The following RPA3 variants were observed in gnomAD, a reference collection of about 807,000 sequenced individuals.
RPA3 encodes the protein replication protein A 14 kDa subunit.
In RPA3, 24 loss-of-function variants were observed where a neutral mutation model predicts 13.7. That is an observed-to-expected ratio of 1.75 (90% CI 1.27 to 2.46). The LOEUF (loss-of-function observed/expected upper bound fraction) is 2.46, where lower values mean the gene tolerates loss of function less well. Among genes scored for constraint, RPA3 ranks in the 30% most tolerant of loss-of-function variants. The pLI is 0.00. For missense variants in RPA3, 183 were observed against 151.0 expected (o/e 1.21, Z -1.11); for synonymous variants, 59 against 51.2 (o/e 1.15, Z -0.65).
chr7:7,672,950 A>G (rs1377904865), intron 4 of RPA3, among the ~76,000 whole-genome samples: 2 of 152,106 alleles, frequency 1.3e-5, no homozygotes, highest in Non-Finnish European at 2.9e-5. Context: ...AGGTCTGTTT[A>G]TTTTATTTTT....
chr7:7,656,070 G>A (rs917500726), intron 4 of RPA3, among the ~76,000 whole-genome samples: 6 of 152,006 alleles, frequency 3.9e-5, no homozygotes, highest in African/African-American at 1.4e-4. Context: ...CTCAACCTCA[G>A]GTGATCCGCC....
In RPA3 at chr7:7,672,941, G is replaced by C. The variant is rs28915984; in HGVS notation, c.-758+12889C>G. 3.3e-3 allele frequency among the ~76,000 whole-genome samples: 502 copies of C among 152,218 alleles called. 4 individuals are homozygous for C. Among genetic ancestry groups the C allele is most frequent in the Admixed American group, 0.022 (339 of 15,280 alleles). The stretch of plus-strand genomic sequence containing the variant: ...CACAACATGACAAGAAACCTGGACA[G>C]GTCTGTTTATTTTATTTTTTCCTAT... On this transcript the variant is annotated intron_variant, in intron 4 of 7. Coordinates refer to ENST00000223129, the MANE Select transcript of RPA3 (RefSeq NM_002947.5).
At chr7:7,666,636 A>G (rs1044114996) in intron 4 of RPA3, among the ~76,000 whole-genome samples, 1 of 151,858 alleles carries the variant, frequency 6.6e-6, no homozygotes, top group African/African-American at 2.4e-5. Context: ...CTGTTCATGT[A>G]TCTTGCTAGG....
intron 2 of RPA3, among the ~76,000 whole-genome samples, chr7:7,687,544 C>T (rs2115132107): frequency 6.6e-6 from 1 of 152,302 alleles, no homozygotes; most frequent in East Asian, 1.9e-4. Flanking sequence ...GAAGGCCGAT[C>T]TATGCTTATA....
intron 2 of RPA3, among the ~76,000 whole-genome samples, chr7:7,692,862 T>C (rs752800341): frequency 6.6e-6 from 1 of 152,144 alleles, no homozygotes; most frequent in African/African-American, 2.4e-5. Flanking sequence ...CTGCCTCGGC[T>C]TCCCACAGGG....
intron 4 of RPA3, among the ~76,000 whole-genome samples, chr7:7,685,249 T>A (rs1179330923): frequency 1.3e-5 from 2 of 152,140 alleles, no homozygotes; most frequent in Non-Finnish European, 2.9e-5. Flanking sequence ...CTGTTTTTTT[T>A]ATTCATTGCA....
At chr7:7,664,265 T>A (rs1460945976) in intron 4 of RPA3, among the ~76,000 whole-genome samples, 1 of 152,206 alleles carries the variant, frequency 6.6e-6, no homozygotes, top group Non-Finnish European at 1.5e-5. Context: ...ATCCCTTCTT[T>A]TCTCATTCAA....
chr7:7,687,366 C>G (rs1417520538), intron 2 of RPA3, 38 bp from the exon 3 acceptor site: 1 of 152,182 alleles, frequency 6.6e-6, no homozygotes, highest in African/African-American at 2.4e-5. Context: ...ACTTGTAATT[C>G]TTTTGCTGAC....
Position 7,697,505 on chromosome 7 carries a change from G to C in RPA3, c.-1027-10177C>G, listed in dbSNP as rs146163771. Among the ~76,000 whole-genome samples the C allele has an allele frequency of 4.5e-3, 680 of 152,266 alleles. 7 individuals are homozygous for C. Among genetic ancestry groups the C allele is most frequent in the African/African-American group, 0.016 (654 of 41,560 alleles). ...TAATGTAAAATTCATTTTGAAATATGATTGTGGCTTCCTTTTGTGGCAGTC... is the reference window on the plus strand; with the variant it reads ...TAATGTAAAATTCATTTTGAAATATCATTGTGGCTTCCTTTTGTGGCAGTC... On this transcript the variant is annotated intron_variant, in intron 2 of 7. Coordinates refer to ENST00000223129, the MANE Select transcript of RPA3 (RefSeq NM_002947.5).
chr7:7,681,723 A>G (rs1451088440), intron 4 of RPA3, among the ~76,000 whole-genome samples: 1 of 152,180 alleles, frequency 6.6e-6, no homozygotes, highest in East Asian at 1.9e-4. Flanking sequence ...AAAATCCAGC[A>G]AGCATGGCAC....
At chr7:7,692,848 C>T (rs186936396) in intron 2 of RPA3, among the ~76,000 whole-genome samples, 1 of 152,282 alleles carries the variant, frequency 6.6e-6, no homozygotes, top group African/African-American at 2.4e-5. Flanking sequence ...ACCTCGTGAT[C>T]TGCCTGCCTC....
At chr7:7,664,772 T>C (rs1779396382) in intron 4 of RPA3, among the ~76,000 whole-genome samples, 2 of 152,220 alleles carry the variant, frequency 1.3e-5, no homozygotes, top group African/African-American at 2.4e-5. Context: ...TGTATTCTTA[T>C]CACTCAAGAT....
intron 4 of RPA3, among the ~76,000 whole-genome samples, chr7:7,674,021 C>T (rs1328010231): frequency 6.6e-6 from 1 of 152,140 alleles, no homozygotes; most frequent in African/African-American, 2.4e-5. Flanking sequence ...GTAAAATTTC[C>T]TCCATGTCAT....
chr7:7,708,832 G>A (rs1454378256), intron 2 of RPA3, among the ~76,000 whole-genome samples: 5 of 152,070 alleles, frequency 3.3e-5, no homozygotes, highest in Non-Finnish European at 7.4e-5. Context: ...GTTATAACAA[G>A]ACACCAAATG....
chr7:7,703,468 TATTC>T (rs1478760306), intron 2 of RPA3, among the ~76,000 whole-genome samples: 1 of 152,220 alleles, frequency 6.6e-6, no homozygotes, highest in African/African-American at 2.4e-5. Context: ...AACTAAATTT[TATTC>T]ATTGTGTGGA....
At chr7:7,705,548 A>G (rs375519348) in intron 2 of RPA3, among the ~76,000 whole-genome samples, 22 of 152,218 alleles carry the variant, frequency 1.4e-4, no homozygotes, top group African/African-American at 5.1e-4. Flanking sequence ...GGCTCTAAGT[A>G]CTATGCTTGT....
chr7:7,639,954 C>A, intron 5 of RPA3: 1 of 254,686 alleles, frequency 3.9e-6, no homozygotes, highest in Non-Finnish European at 7.7e-6. Flanking sequence ...TAAGTAATTT[C>A]AGAAGAGAAG....
At chr7:7,677,226 G>A (rs551101874) in intron 4 of RPA3, among the ~76,000 whole-genome samples, 1 of 151,992 alleles carries the variant, frequency 6.6e-6, no homozygotes, top group Non-Finnish European at 1.5e-5. Flanking sequence ...ATCACTTCAA[G>A]CAATTATTTC....
intron 2 of RPA3, among the ~76,000 whole-genome samples, chr7:7,690,701 A>G (rs982085500): frequency 6.6e-6 from 1 of 152,100 alleles, no homozygotes; most frequent in South Asian, 2.1e-4. Context: ...TTTGCTAAGG[A>G]GAGAAAGGAA....
Sources: allele counts gnomAD v4.1 joint callset (sites outside exome capture counted in the v4.1 genomes callset), GRCh38; gene constraint gnomAD v4.1.1; transcripts MANE v1.5; gene names NCBI Gene and HGNC (gene_info 2026-07-23, HGNC 2026-07-21).